The following AGAP1 variants were observed in gnomAD, a reference collection of about 807,000 sequenced individuals.
AGAP1 encodes arf-GAP with GTPase, ANK repeat and PH domain-containing protein 1.
AGAP1 carries 29 observed loss-of-function variants against 105.3 expected under a neutral mutation model. The observed-to-expected ratio is 0.28, with a 90% CI of 0.21 to 0.38. The LOEUF is 0.38. AGAP1 is among the 10% of genes least tolerant of loss of function. The pLI is 1.00. For synonymous variants in AGAP1, 509 were observed against 485.9 expected (o/e 1.05, Z -0.63); for missense variants, 998 against 1,165.1 (o/e 0.86, Z 2.09).
chr2:235,596,295 A>G lies in AGAP1; in HGVS notation c.163+101446A>G, dbSNP rs750576876. ...TCAAACTAGACAGGTGGGACTGTCCAGATGCCTGTGGGGCACTACAGAGTT... is the reference window on the plus strand; with the variant it reads ...TCAAACTAGACAGGTGGGACTGTCCGGATGCCTGTGGGGCACTACAGAGTT... On this transcript the variant is annotated intron_variant, in intron 1 of 17. Transcript: ENST00000304032. This position sits in a 1 kb window ranked among gnomAD's most constrained non-coding sequence, Gnocchi z 5.9. 1.3e-5 allele frequency among the ~76,000 whole-genome samples: 2 copies of G among 152,260 alleles called. No individual in the cohort carries two copies. The highest frequency in any genetic ancestry group is 2.9e-5 in the Non-Finnish European group (2 of 68,052).
chr2:235,674,533 G>A (rs1428638068), intron 1 of AGAP1, among the ~76,000 whole-genome samples: 1 of 152,164 alleles, frequency 6.6e-6, no homozygotes, highest in Non-Finnish European at 1.5e-5. Flanking sequence ...TGGGAGGATT[G>A]ATTACAGTAA....
At chr2:235,822,887 G>A (rs1195124765) in intron 9 of AGAP1, among the ~76,000 whole-genome samples, 4 of 152,180 alleles carry the variant, frequency 2.6e-5, no homozygotes, top group African/African-American at 4.8e-5. Flanking sequence ...CAGCACATCC[G>A]AGGGAAGGAT....
intron 6 of AGAP1, among the ~76,000 whole-genome samples, chr2:235,781,530 AAAGGCCAGAAAGGCACAAATG>A (rs1956263516): frequency 6.6e-6 from 1 of 152,208 alleles, no homozygotes; most frequent in Non-Finnish European, 1.5e-5. Flanking sequence ...AAATGCTTAT[AAAGGCCAGAAAGGCACAAATG>A]AAGAGTTGGG....
At chr2:235,571,564 C>T (rs1944515394) in intron 1 of AGAP1, among the ~76,000 whole-genome samples, 1 of 152,176 alleles carries the variant, frequency 6.6e-6, no homozygotes, top group South Asian at 2.1e-4. Flanking sequence ...AAAATATTAA[C>T]CACCTACACT....
In AGAP1 at chr2:235,577,851, G is replaced by GA. The variant is rs1944786800; in HGVS notation, c.163+83002_163+83003insA. Among the ~76,000 whole-genome samples, 4 of 152,038 alleles carry GA rather than the reference G, an allele frequency of 2.6e-5. No individual in the cohort carries two copies. Among genetic ancestry groups the GA allele is most frequent in the African/African-American group, 9.7e-5 (4 of 41,386 alleles). ...CACAAAAGGCCCATGTCTGCTCGCT[G>GA]GGACCTGATAGTTCGCCTTTGTACG... On this transcript the variant is annotated intron_variant, in intron 1 of 17. Transcript: ENST00000304032. This position sits in a 1 kb window ranked among gnomAD's most constrained non-coding sequence, Gnocchi z 4.5.
chr2:235,653,494 TAAAATATAACATAACATAAC>T (rs2149327692), intron 1 of AGAP1, among the ~76,000 whole-genome samples: 2 of 146,082 alleles, frequency 1.4e-5, no homozygotes, highest in Middle Eastern at 3.5e-3. Context: ...TAAAATAAAA[TAAAATATAACATAACATAAC>T]ATAACATAAC....
intron 16 of AGAP1, among the ~76,000 whole-genome samples, chr2:236,111,789 CAAAAA>C (rs3030776): frequency 5.8e-5 from 7 of 120,290 alleles, no homozygotes; most frequent in South Asian, 2.7e-4. Flanking sequence ...GACTCTATCT[CAAAAA>C]AAAAAAAAAA....
At chr2:235,863,750 T>G (rs1285677680) in intron 9 of AGAP1, among the ~76,000 whole-genome samples, 1 of 152,164 alleles carries the variant, frequency 6.6e-6, no homozygotes, top group Non-Finnish European at 1.5e-5. Flanking sequence ...GACACCTGGT[T>G]TGCAGGCTGA....
chr2:236,099,823 T>C (rs2059301887), intron 16 of AGAP1, among the ~76,000 whole-genome samples: 1 of 152,136 alleles, frequency 6.6e-6, no homozygotes, highest in South Asian at 2.1e-4. Context: ...GTGGATCACC[T>C]GAGGTCAGGA....
intron 16 of AGAP1, among the ~76,000 whole-genome samples, chr2:236,081,524 C>T (rs987981499): frequency 9.2e-5 from 14 of 152,180 alleles, no homozygotes; most frequent in East Asian, 3.8e-4. Flanking sequence ...ACAGAAGTCA[C>T]GCCTCGTGGT....
intron 1 of AGAP1, among the ~76,000 whole-genome samples, chr2:235,521,742 A>ATGTATGTGTGTGTGTGTG (rs750369759): frequency 8.2e-6 from 1 of 121,528 alleles, no homozygotes; most frequent in Non-Finnish European, 1.8e-5. Context: ...TGTTATATAT[A>ATGTATGTGTGTGTGTGTG]TGTGTGTGTG....
intron 9 of AGAP1, among the ~76,000 whole-genome samples, chr2:235,838,523 A>G (rs1449178019): frequency 6.6e-6 from 1 of 152,192 alleles, no homozygotes; most frequent in African/African-American, 2.4e-5. Context: ...TTATGATGTG[A>G]TTAACTACGT....
chr2:235,927,207 G>A lies in AGAP1; in HGVS notation c.1325-3558G>A, dbSNP rs892744633. On this transcript the variant is annotated intron_variant, in intron 11 of 17. Transcript: ENST00000304032. The surrounding 1 kb of genome is among the most constrained non-coding windows in gnomAD (Gnocchi z 4.4). ...AGCTATAGGGCTCTAAGAGTCTGCC[G>A]TCAGAAGGATTGTGGATAGCTGGTC... 3.9e-5 allele frequency among the ~76,000 whole-genome samples: 6 copies of A among 152,138 alleles called. No homozygotes were observed. Among genetic ancestry groups the A allele is most frequent in the East Asian group, 3.9e-4 (2 of 5,184 alleles).
At chr2:235,595,046 G>A (rs1378880423) in intron 1 of AGAP1, among the ~76,000 whole-genome samples, 2 of 152,128 alleles carry the variant, frequency 1.3e-5, no homozygotes, top group Non-Finnish European at 2.9e-5. Flanking sequence ...AATGACCCAG[G>A]TGAGGCGGGT....
chr2:235,616,312 G>A (rs1946305471), intron 1 of AGAP1, among the ~76,000 whole-genome samples: 1 of 151,352 alleles, frequency 6.6e-6, no homozygotes, highest in South Asian at 2.1e-4. Flanking sequence ...AGTGAGCCAA[G>A]AGTGCGCCAC....
chr2:235,840,191 TC>T (rs917124553), intron 9 of AGAP1, among the ~76,000 whole-genome samples: 4 of 152,206 alleles, frequency 2.6e-5, no homozygotes, highest in African/African-American at 9.7e-5. Flanking sequence ...AACCAGTCTT[TC>T]ATGACAGCAA....
chr2:235,647,624 A>T (rs1001004435), intron 1 of AGAP1, among the ~76,000 whole-genome samples: 1 of 152,048 alleles, frequency 6.6e-6, no homozygotes, highest in Non-Finnish European at 1.5e-5. Context: ...CTGAACTCAA[A>T]TGATCCTCCT....
chr2:235,765,626 G>A (rs1954889638), intron 6 of AGAP1, among the ~76,000 whole-genome samples: 1 of 152,144 alleles, frequency 6.6e-6, no homozygotes, highest in South Asian at 2.1e-4. Context: ...TAAATGTTCG[G>A]CAGCACTTTG....
At chr2:235,570,513 T>C (rs964539305) in intron 1 of AGAP1, among the ~76,000 whole-genome samples, 1 of 152,226 alleles carries the variant, frequency 6.6e-6, no homozygotes, top group Non-Finnish European at 1.5e-5. Flanking sequence ...ACATTCCATG[T>C]AAAGGCAGCC....
Sources: gnomAD v4.1 joint callset for allele counts (sites outside exome capture counted in the v4.1 genomes callset) on GRCh38, gnomAD v4.1.1 for gene constraint, Gnocchi (gnomAD v3.1) non-coding constraint, MANE v1.5 for transcripts, NCBI Gene and HGNC (gene_info 2026-07-23, HGNC 2026-07-21) for gene names.